Variants in ZFAND3 observed in about 807,000 individuals in gnomAD.
The protein encoded by ZFAND3 is AN1-type zinc finger protein 3.
Under a neutral mutation model 29.6 loss-of-function variants are expected in ZFAND3, and 10 were observed. That is an observed-to-expected ratio of 0.34 (90% CI 0.21 to 0.57). The LOEUF (loss-of-function observed/expected upper bound fraction) is 0.57, where lower values mean the gene tolerates loss of function less well. Among genes scored for constraint, ZFAND3 ranks in the 20% least tolerant of loss-of-function variants. ZFAND3 has a pLI of 0.86. For missense variants in ZFAND3, 230 were observed against 304.5 expected, an observed-to-expected ratio of 0.76 and a Z score of 1.82; for synonymous variants, 128 against 112.6, an observed-to-expected ratio of 1.14 and a Z score of -0.87.
chr6:37,913,814 G>A (rs1761177693), intron 1 of ZFAND3, among the ~76,000 whole-genome samples: 1 of 150,036 alleles, frequency 6.7e-6, no homozygotes, highest in African/African-American at 2.5e-5. Context: ...GGGTTTAAGC[G>A]ATTCTCCTGC....
In ZFAND3 at chr6:38,141,337, C is replaced by T. The variant is rs145437976; in HGVS notation, c.530-10898C>T. Reference sequence around the variant, plus strand: ...GAGGCTTTTCAACAAACAATCAGTACGTGACCAAACTTGGCAACACATGCT... The same window carrying T: ...GAGGCTTTTCAACAAACAATCAGTATGTGACCAAACTTGGCAACACATGCT... On this transcript the variant is annotated intron_variant, in intron 5 of 5. Transcript: ENST00000287218. 1.7e-3 allele frequency among the ~76,000 whole-genome samples: 260 copies of T among 152,282 alleles called. 1 individual carries two copies. Among genetic ancestry groups the T allele is most frequent in the African/African-American group, 6.0e-3 (249 of 41,552 alleles).
At chr6:37,834,854 C>CAAAAAAAA (rs35865620) in intron 1 of ZFAND3, among the ~76,000 whole-genome samples, 74 of 142,054 alleles carry the variant, frequency 5.2e-4, no homozygotes, top group African/African-American at 1.9e-3. Context: ...ATGTATGTTT[C>CAAAAAAAA]AAAAAAAAAA....
intron 2 of ZFAND3, among the ~76,000 whole-genome samples, chr6:38,021,846 AG>A (rs1763359713): frequency 6.6e-6 from 1 of 152,172 alleles, no homozygotes; most frequent in East Asian, 1.9e-4. Flanking sequence ...AGTGTGAGGC[AG>A]GGAGAGTGGC....
intron 1 of ZFAND3, among the ~76,000 whole-genome samples, chr6:37,873,842 A>G (rs538210635): frequency 6.6e-6 from 1 of 152,330 alleles, no homozygotes. Context: ...CATAGGTAAT[A>G]CATAAACGAA....
intron 5 of ZFAND3, among the ~76,000 whole-genome samples, chr6:38,135,400 G>A (rs1041653365): frequency 2.0e-5 from 3 of 152,198 alleles, no homozygotes; most frequent in Non-Finnish European, 4.4e-5. Flanking sequence ...TCCGTGTTTT[G>A]TGCAGGCATC....
intron 5 of ZFAND3, among the ~76,000 whole-genome samples, chr6:38,118,526 A>G (rs921190395): frequency 6.6e-6 from 1 of 151,326 alleles, no homozygotes; most frequent in African/African-American, 2.4e-5. Flanking sequence ...TCTTCCTTGA[A>G]AGTAACTGAA....
intron 2 of ZFAND3, among the ~76,000 whole-genome samples, chr6:37,945,687 TTTTAG>T (rs759696257): frequency 1.6e-4 from 25 of 152,350 alleles, no homozygotes; most frequent in Non-Finnish European, 3.2e-4. Flanking sequence ...CATAGTCTTA[TTTTAG>T]TTATCAGTGG....
intron 1 of ZFAND3, among the ~76,000 whole-genome samples, chr6:37,883,231 C>T (rs1764929378): frequency 1.3e-5 from 2 of 152,074 alleles, no homozygotes. Context: ...TGTACAAAAA[C>T]ACAAACAAAA....
intron 1 of ZFAND3, among the ~76,000 whole-genome samples, chr6:37,867,757 G>GGAGGGACTAA (rs1764614784): frequency 6.6e-6 from 1 of 152,164 alleles, no homozygotes; most frequent in Admixed American, 6.5e-5. Flanking sequence ...CTTTGATAAA[G>GGAGGGACTAA]TTCCCAAAGT....
At chr6:37,847,522 C>T (rs182897162) in intron 1 of ZFAND3, among the ~76,000 whole-genome samples, 5 of 152,152 alleles carry the variant, frequency 3.3e-5, no homozygotes, top group East Asian at 1.9e-4. Context: ...TGCAGTGAGC[C>T]GAGATCGCGC....
intron 3 of ZFAND3, among the ~76,000 whole-genome samples, chr6:38,064,686 T>TA (rs1169928772): frequency 1.4e-5 from 2 of 144,348 alleles, no homozygotes; most frequent in African/African-American, 2.6e-5. Context: ...TTTTTTTTTT[T>TA]AATATGAATA....
chr6:37,826,386 G>A (rs1763760705), intron 1 of ZFAND3, among the ~76,000 whole-genome samples: 1 of 152,164 alleles, frequency 6.6e-6, no homozygotes, highest in African/African-American at 2.4e-5. Context: ...AGATTACATT[G>A]CTGAGTGAGA....
At chr6:37,864,815 TATTCCTGGGGG>T (rs1434167273) in intron 1 of ZFAND3, among the ~76,000 whole-genome samples, 2 of 152,130 alleles carry the variant, frequency 1.3e-5, no homozygotes, top group Admixed American at 1.3e-4. Context: ...TATTCTTTGG[TATTCCTGGGGG>T]ATTGATTCCA....
At chr6:37,993,082 TAC>T (rs942952411) in intron 2 of ZFAND3, among the ~76,000 whole-genome samples, 1 of 152,218 alleles carries the variant, frequency 6.6e-6, no homozygotes, top group Admixed American at 6.5e-5. Flanking sequence ...GATTTCATTG[TAC>T]ACATACATTT....
At chr6:38,008,728 C>A (rs75174287) in intron 2 of ZFAND3, among the ~76,000 whole-genome samples, 1 of 151,978 alleles carries the variant, frequency 6.6e-6, no homozygotes, top group Non-Finnish European at 1.5e-5. Flanking sequence ...CCTATCCTTA[C>A]GCAGGATTGT....
At chr6:38,013,450 C>T (rs529051206) in intron 2 of ZFAND3, among the ~76,000 whole-genome samples, 62 of 152,214 alleles carry the variant, frequency 4.1e-4, no homozygotes, top group African/African-American at 1.3e-3. Flanking sequence ...TACATACTGC[C>T]GTCTGTTGTA....
At chr6:37,855,008 C>A (rs942772861) in intron 1 of ZFAND3, among the ~76,000 whole-genome samples, 1 of 109,692 alleles carries the variant, frequency 9.1e-6, no homozygotes, top group South Asian at 3.3e-4. Flanking sequence ...TGGGATCTTG[C>A]TGGATTATGG....
chr6:37,964,917 A>T (rs550194533), intron 2 of ZFAND3, among the ~76,000 whole-genome samples: 1 of 152,230 alleles, frequency 6.6e-6, no homozygotes, highest in African/African-American at 2.4e-5. Flanking sequence ...CCCTGTGAGG[A>T]TTTAGTGAGA....
chr6:38,026,612 G>T (rs1299385948), intron 2 of ZFAND3, among the ~76,000 whole-genome samples: 1 of 151,708 alleles, frequency 6.6e-6, no homozygotes, highest in Non-Finnish European at 1.5e-5. Flanking sequence ...TGTATTTTTA[G>T]TGGAGATGGG....
Sources: gnomAD v4.1 joint callset for allele counts (sites outside exome capture counted in the v4.1 genomes callset) on GRCh38, gnomAD v4.1.1 for gene constraint, MANE v1.5 for transcripts, NCBI Gene and HGNC (gene_info 2026-07-23, HGNC 2026-07-21) for gene names.